UBE2E2: variants seen among roughly 807,000 people sequenced by gnomAD.
The protein encoded by UBE2E2 is ubiquitin conjugating enzyme E2 E2.
A neutral mutation model predicts 24.7 loss-of-function variants in UBE2E2; 6 were observed. That is an observed-to-expected ratio of 0.24 (90% CI 0.13 to 0.48). The LOEUF is 0.48. UBE2E2 is among the 20% of genes least tolerant of loss of function. UBE2E2 has a pLI of 0.99. For missense variants in UBE2E2, 169 were observed against 245.0 expected (o/e 0.69, Z 2.07); for synonymous variants, 104 against 83.6 (o/e 1.24, Z -1.33).
chr3:23,407,589 G>A lies in UBE2E2; in HGVS notation c.228-92019G>A, dbSNP rs147531495. Reference sequence around the variant, plus strand: ...TGCGCCCCTCCCTCTACTTTTTATGGTTTGTATGTTTGTTTTGGGAGGAGT... The same window carrying A: ...TGCGCCCCTCCCTCTACTTTTTATGATTTGTATGTTTGTTTTGGGAGGAGT... On this transcript the variant is annotated intron_variant, in intron 3 of 5. Transcript: ENST00000396703. The surrounding 1 kb of genome is among the most constrained non-coding windows in gnomAD (Gnocchi z 4.0). Among the ~76,000 whole-genome samples, 1,256 of 150,336 alleles carry A rather than the reference G, an allele frequency of 8.4e-3. 12 individuals carry two copies. The highest frequency in any genetic ancestry group is 0.013 in the Admixed American group (195 of 15,074).
At chr3:23,302,474 C>G (rs1367996733) in intron 3 of UBE2E2, among the ~76,000 whole-genome samples, 4 of 152,290 alleles carry the variant, frequency 2.6e-5, no homozygotes, top group Admixed American at 1.3e-4. Context: ...CAGCTGAGTT[C>G]CATGCTTTTC....
At chr3:23,487,178 C>T (rs1699391449) in intron 3 of UBE2E2, among the ~76,000 whole-genome samples, 2 of 152,188 alleles carry the variant, frequency 1.3e-5, no homozygotes, top group Non-Finnish European at 1.5e-5. Flanking sequence ...AGTGTGTGCA[C>T]ACCCAGCTCG....
intron 3 of UBE2E2, among the ~76,000 whole-genome samples, chr3:23,363,371 G>A (rs1156393887): frequency 3.3e-5 from 5 of 152,182 alleles, no homozygotes; most frequent in Non-Finnish European, 1.5e-5. Context: ...GGATAAAGAA[G>A]CAAGATCGAA....
intron 5 of UBE2E2, among the ~76,000 whole-genome samples, chr3:23,576,250 C>A (rs1696344517): frequency 6.6e-6 from 1 of 152,028 alleles, no homozygotes; most frequent in Admixed American, 6.6e-5. Context: ...TTAATTATTT[C>A]TCTCATTTTA....
At chr3:23,544,213 C>T (rs1695463284) in intron 5 of UBE2E2, among the ~76,000 whole-genome samples, 1 of 151,916 alleles carries the variant, frequency 6.6e-6, no homozygotes, top group African/African-American at 2.4e-5. Context: ...AAATGGGACC[C>T]AATTAAACTA....
chr3:23,561,906 G>A lies in UBE2E2; in HGVS notation c.509-27828G>A, dbSNP rs552445982. Reference sequence around the variant, plus strand: ...GTGTATAAGAATGCTTGTGATTTTTGCACATTGATTTTGTATCCTGAGACT... The same window carrying A: ...GTGTATAAGAATGCTTGTGATTTTTACACATTGATTTTGTATCCTGAGACT... On this transcript the variant is annotated intron_variant, in intron 5 of 5. Transcript: ENST00000396703. Among the ~76,000 whole-genome samples the A allele has an allele frequency of 2.6e-4, 39 of 152,196 alleles. No individual in the cohort carries two copies. In the East Asian group the frequency reaches 7.5e-3, roughly 29 times the overall value.
chr3:23,416,753 T>A (rs1038365883), intron 3 of UBE2E2, among the ~76,000 whole-genome samples: 2 of 152,192 alleles, frequency 1.3e-5, no homozygotes, highest in Admixed American at 1.3e-4. Flanking sequence ...CCTTCCTTTT[T>A]ATTCTTTTTT....
chr3:23,231,547 C>T (rs1257394827), intron 3 of UBE2E2, among the ~76,000 whole-genome samples: 1 of 152,194 alleles, frequency 6.6e-6, no homozygotes, highest in Non-Finnish European at 1.5e-5. Flanking sequence ...AGCAAGCAAT[C>T]AGTTCTTGAA....
chr3:23,591,809 CT>C (rs1696771524), downstream of UBE2E2: 1 of 152,144 alleles, frequency 6.6e-6, no homozygotes, highest in Non-Finnish European at 1.5e-5. Flanking sequence ...TGGAAAGTTG[CT>C]CAGAATGTTT....
intron 3 of UBE2E2, among the ~76,000 whole-genome samples, chr3:23,256,640 A>G (rs940381111): frequency 6.6e-6 from 1 of 152,188 alleles, no homozygotes; most frequent in Non-Finnish European, 1.5e-5. Context: ...TAGGATTTAT[A>G]TATTTTCATA....
intron 3 of UBE2E2, among the ~76,000 whole-genome samples, chr3:23,388,681 T>TA (rs1382536497): frequency 2.0e-5 from 3 of 152,020 alleles, no homozygotes; most frequent in Non-Finnish European, 2.9e-5. Flanking sequence ...ATAGTATTTT[T>TA]TAAAAAAAAT....
At chr3:23,308,423 C>A (rs1244864661) in intron 3 of UBE2E2, among the ~76,000 whole-genome samples, 1 of 151,932 alleles carries the variant, frequency 6.6e-6, no homozygotes, top group Non-Finnish European at 1.5e-5. Context: ...AGTGAATTAA[C>A]AATAAAATTC....
chr3:23,384,962 C>T (rs1178926577), intron 3 of UBE2E2, among the ~76,000 whole-genome samples: 1 of 151,744 alleles, frequency 6.6e-6, no homozygotes, highest in African/African-American at 2.4e-5. Flanking sequence ...GATAGAGTCT[C>T]ACTTTGTTGC....
intron 3 of UBE2E2, among the ~76,000 whole-genome samples, chr3:23,347,221 A>G (rs1695583048): frequency 6.6e-6 from 1 of 152,246 alleles, no homozygotes; most frequent in Admixed American, 6.5e-5. Context: ...CCAAAGGATT[A>G]TAAATCATGC....
intron 3 of UBE2E2, among the ~76,000 whole-genome samples, chr3:23,376,564 CTTTT>C (rs1696525981): frequency 6.6e-6 from 1 of 152,090 alleles, no homozygotes; most frequent in Non-Finnish European, 1.5e-5. Flanking sequence ...TGAGGTGTAC[CTTTT>C]TACAACCTTT....
At chr3:23,540,005 C>T (rs555441666) in intron 5 of UBE2E2, among the ~76,000 whole-genome samples, 1 of 152,206 alleles carries the variant, frequency 6.6e-6, no homozygotes, top group East Asian at 1.9e-4. Flanking sequence ...GTCCCTCACC[C>T]AGCTTCAGAA....
chr3:23,206,893 A>G (rs1179275702), intron 1 of UBE2E2, among the ~76,000 whole-genome samples: 1 of 152,202 alleles, frequency 6.6e-6, no homozygotes, highest in Non-Finnish European at 1.5e-5. Context: ...TCTTGATCAT[A>G]TCAGAAACAG....
chr3:23,539,684 G>A (rs1695344729), intron 5 of UBE2E2, among the ~76,000 whole-genome samples: 1 of 152,086 alleles, frequency 6.6e-6, no homozygotes, highest in African/African-American at 2.4e-5. Context: ...TTCCTTTTCT[G>A]TTTCTTTTTG....
At chr3:23,267,108 A>T (rs545316397) in intron 3 of UBE2E2, among the ~76,000 whole-genome samples, 29 of 152,176 alleles carry the variant, frequency 1.9e-4, no homozygotes, top group African/African-American at 6.7e-4. Flanking sequence ...AGCAGGAAAG[A>T]TCCAAAATTG....
Sources: allele counts gnomAD v4.1 joint callset (sites outside exome capture counted in the v4.1 genomes callset), GRCh38; gene constraint gnomAD v4.1.1; non-coding constraint Gnocchi (gnomAD v3.1); transcripts MANE v1.5; gene names NCBI Gene and HGNC (gene_info 2026-07-23, HGNC 2026-07-21).